The following SDE2 variants were observed in gnomAD, a reference collection of about 807,000 sequenced individuals.
SDE2 encodes spliceosome associated SDE2, also known as splicing regulator SDE2.
A neutral mutation model predicts 46.9 loss-of-function variants in SDE2; 31 were observed. The ratio of observed to expected loss-of-function variants is 0.66; its 90% CI spans 0.50 to 0.89. The LOEUF is 0.89. Among genes scored for constraint, SDE2 ranks in the 40% least tolerant of loss-of-function variants. The pLI is 0.00. For missense variants in SDE2, 542 were observed against 564.4 expected (o/e 0.96, Z 0.40); for synonymous variants, 205 against 204.3 (o/e 1.00, Z -0.03).
intron 2 of SDE2, 47 bp from the exon 3 acceptor site, chr1:225,993,049 T>C (rs1405513259): frequency 1.1e-6 from 1 of 930,196 alleles, no homozygotes; most frequent in Non-Finnish European, 1.7e-6. Flanking sequence ...TGTTCAAGGA[T>C]GGATAAAAGC....
At chr1:225,990,096 C>CA (rs980700328) in intron 5 of SDE2, among the ~76,000 whole-genome samples, 60 of 148,846 alleles carry the variant, frequency 4.0e-4, no homozygotes, top group South Asian at 4.3e-4. Context: ...AAAACACACA[C>CA]AAAAAAAACA....
chr1:225,996,879 A>G (rs1656539228), intron 1 of SDE2, among the ~76,000 whole-genome samples: 1 of 152,240 alleles, frequency 6.6e-6, no homozygotes, highest in African/African-American at 2.4e-5. Context: ...GAAACTACAA[A>G]TTTAAGATAA....
At chr1:225,993,745 A>C (rs1656455884) in intron 2 of SDE2, among the ~76,000 whole-genome samples, 1 of 152,182 alleles carries the variant, frequency 6.6e-6, no homozygotes, top group Admixed American at 6.5e-5. Flanking sequence ...TGGCTGATAT[A>C]ACATGCTTCA....
chr1:225,985,146 A>T lies in SDE2; in HGVS notation c.*156T>A. 1.6e-6 allele frequency: 1 copy of T among 620,800 alleles called. No individual in the cohort carries two copies. Among genetic ancestry groups the T allele is most frequent in the African/African-American group, 1.8e-5 (1 of 54,306 alleles). 38.5% of individuals were successfully genotyped at this position (620,800 alleles called of 1,614,324 possible). A position where few individuals can be genotyped will look rare whatever the true frequency, so the allele number is the denominator to read the frequency against. On this transcript the variant is annotated 3_prime_UTR_variant, in exon 7 of 7. Transcript: ENST00000272091. ...TAAGGCCCAGATGGTTTCAGACATT[A>T]ATTCTACAGCCCTGACAAGGAAAAA...
At chr1:225,990,637 A>G (rs982674167) in intron 5 of SDE2, among the ~76,000 whole-genome samples, 1 of 152,212 alleles carries the variant, frequency 6.6e-6, no homozygotes, top group Admixed American at 6.5e-5. Context: ...TTCCCATTTC[A>G]GAAAGAACAA....
intron 3 of SDE2, 78 bp downstream of exon 3, chr1:225,992,813 C>G (rs189474602): frequency 3.8e-6 from 3 of 780,786 alleles, no homozygotes; most frequent in East Asian, 5.1e-5. Flanking sequence ...TTCCAATATG[C>G]GTGGCATATG....
intron 1 of SDE2, among the ~76,000 whole-genome samples, chr1:225,996,551 T>C: frequency 6.6e-6 from 1 of 152,198 alleles, no homozygotes; most frequent in Admixed American, 6.5e-5. Flanking sequence ...TAGACTCAAT[T>C]TAACTGCTTT....
In SDE2 at chr1:225,993,020, G is replaced by A; in HGVS notation, c.239-18C>T. ...TCCAAAACCTGAGCAGATGTATTTG[G>A]AGAAAGCAGGTTAAAATGTGTTCAA... On this transcript the variant is annotated intron_variant, in intron 2 of 6. Coordinates refer to ENST00000272091, the MANE Select transcript of SDE2 (RefSeq NM_152608.4). The A allele has an allele frequency of 1.4e-6, 2 of 1,407,992 alleles. No homozygotes were observed. The highest frequency in any genetic ancestry group is 2.0e-6 in the Non-Finnish European group (2 of 995,764). The allele number at this position is 1,407,992 out of a possible 1,614,324, so 87.2% of individuals were successfully genotyped here.
At position 225,999,305 on chromosome 1, in the gene SDE2, T is replaced by G; in HGVS notation, c.8A>C (p.Glu3Ala). The change falls in exon 1 of 7, where the codon GAG (glutamate) becomes GCG (alanine). Residue 3 changes from glutamate to alanine, a missense_variant. Glu to Ala is a moderately radical substitution (Grantham distance 107, BLOSUM62 -1). Transcript: ENST00000272091. Reference protein sequence around the residue: MAEAAALVWIRGP... With the variant: MAAAAALVWIRGP... ...GCGAATCCACACCAGCGCCGCGGCC[T>G]CCGCCATGTCACCGACTACCCGAAC... 6.2e-7 allele frequency: 1 copy of G among 1,611,064 alleles called. No homozygotes were observed. Among genetic ancestry groups the G allele is most frequent in the South Asian group, 1.1e-5 (1 of 90,752 alleles).
In SDE2 at chr1:225,992,876, A is replaced by G. The variant is rs1442308962; in HGVS notation, c.350+15T>C. ...TGTCTCTCCTCAAAAACACAAAAAA[A>G]GGTGGGCATCTTACGCTTTTTCATG... On this transcript the variant is annotated intron_variant, in intron 3 of 6. Transcript: ENST00000272091. The G allele has an allele frequency of 1.4e-6, 2 of 1,463,166 alleles. No homozygotes were observed. The highest frequency in any genetic ancestry group is 4.5e-5 in the East Asian group (2 of 44,178). 90.6% of individuals were successfully genotyped at this position (1,463,166 alleles called of 1,614,324 possible).
chr1:225,988,159 T>G lies in SDE2; in HGVS notation c.871A>C (p.Arg291=), dbSNP rs746943280. 1 of 1,614,172 alleles carries G rather than the reference T, an allele frequency of 6.2e-7. No homozygotes were observed. Among genetic ancestry groups the G allele is most frequent in the South Asian group, 1.1e-5 (1 of 91,086 alleles). ...QLQIPVTDSG[R]HILEDSCAEL... is the part of the protein sequence containing the mutation. The stretch of plus-strand genomic sequence containing the variant: ...GCACATGAGTCTTCTAAAATATGCC[T>G]CCCAGAGTCAGTCACCGGGATCTGC... Residue 291 remains arginine, a synonymous_variant, in exon 6 of 7, where the codon AGG becomes CGG. Coordinates refer to ENST00000272091, the MANE Select transcript of SDE2 (RefSeq NM_152608.4).
At chr1:225,993,749 T>C (rs1411103157) in intron 2 of SDE2, among the ~76,000 whole-genome samples, 1 of 152,138 alleles carries the variant, frequency 6.6e-6, no homozygotes, top group Non-Finnish European at 1.5e-5. Flanking sequence ...TGATATAACA[T>C]GCTTCATTCA....
intron 1 of SDE2, among the ~76,000 whole-genome samples, chr1:225,998,499 C>T (rs891520648): frequency 2.6e-5 from 4 of 152,224 alleles, no homozygotes; most frequent in Admixed American, 6.5e-5. Flanking sequence ...ATTCTTTTGA[C>T]AACTGAACAG....
At chr1:225,995,453 T>A (rs1381789222) in intron 1 of SDE2, 70 bp from the exon 2 acceptor site, 2 of 793,742 alleles carry the variant, frequency 2.5e-6, no homozygotes, top group East Asian at 5.0e-5. Context: ...AGAAGGGACC[T>A]AGCTGTCTTT....
rs117423310 is a variant in SDE2 at position 225,998,392 on chromosome 1, C to T, written c.120+801G>A. 5.1e-3 allele frequency among the ~76,000 whole-genome samples: 771 copies of T among 152,230 alleles called. 43 individuals carry two copies. In the East Asian group the frequency reaches 0.11, roughly 21 times the overall value. On this transcript the variant is annotated intron_variant, in intron 1 of 6. Coordinates refer to ENST00000272091, the MANE Select transcript of SDE2 (RefSeq NM_152608.4). ...ATTTGTTAAGCTTATAAATAGTAAGCAGAGGAAATAGCCGAGGAAAGCACG... is the reference window on the plus strand; with the variant it reads ...ATTTGTTAAGCTTATAAATAGTAAGTAGAGGAAATAGCCGAGGAAAGCACG...
chr1:225,999,342 C>T lies in SDE2; in HGVS notation c.-30G>A, dbSNP rs1399900175. On this transcript the variant is annotated 5_prime_UTR_variant, in exon 1 of 7. Coordinates refer to ENST00000272091, the MANE Select transcript of SDE2 (RefSeq NM_152608.4). ...CCGACTACCCGAACCTCAAGCCTCT[C>T]TGAGACACCAGGCGCCGCAACTCGC... 1 of 1,596,038 alleles carries T rather than the reference C, an allele frequency of 6.3e-7. No individual in the cohort carries two copies. Among genetic ancestry groups the T allele is most frequent in the Non-Finnish European group, 8.5e-7 (1 of 1,169,606 alleles).
intron 2 of SDE2, among the ~76,000 whole-genome samples, chr1:225,994,998 C>T (rs966058463): frequency 1.3e-5 from 2 of 152,038 alleles, no homozygotes; most frequent in African/African-American, 2.4e-5. Context: ...GAGCCGTGAT[C>T]GTACCACTGT....
At chr1:225,999,083 T>G in intron 1 of SDE2, 110 bp downstream of exon 1, 1 of 822,280 alleles carries the variant, frequency 1.2e-6, no homozygotes. Context: ...CCTCAACGAG[T>G]GAAAACCCCA....
intron 6 of SDE2, among the ~76,000 whole-genome samples, chr1:225,987,014 T>G (rs1361919458): frequency 6.6e-6 from 1 of 152,174 alleles, no homozygotes; most frequent in African/African-American, 2.4e-5. Context: ...AAAAACCAAC[T>G]TTTTGAGAGA....
Sources: gnomAD v4.1 joint callset for allele counts (sites outside exome capture counted in the v4.1 genomes callset) on GRCh38, gnomAD v4.1.1 for gene constraint, MANE v1.5 for transcripts, NCBI Gene and HGNC (gene_info 2026-07-23, HGNC 2026-07-21) for gene names.